The following TSEN2 variants were observed in gnomAD, a reference collection of about 807,000 sequenced individuals.
TSEN2 encodes tRNA-splicing endonuclease subunit Sen2.
Under a neutral mutation model 59.2 loss-of-function variants are expected in TSEN2, and 54 were observed. The observed-to-expected ratio is 0.91, with a 90% CI of 0.73 to 1.14. The LOEUF (loss-of-function observed/expected upper bound fraction) is 1.14. Among genes scored for constraint, TSEN2 ranks in the 50% most tolerant of loss-of-function variants. The probability of loss-of-function intolerance (pLI) is 0.00; values close to 1 mark genes in which losing one functional copy is unlikely to be tolerated. For missense variants in TSEN2, 636 were observed against 576.2 expected (o/e 1.10, Z -1.06); for synonymous variants, 195 against 198.2 (o/e 0.98, Z 0.14).
downstream of TSEN2, among the ~76,000 whole-genome samples, chr3:12,537,617 C>T (rs970261630): frequency 2.6e-5 from 4 of 152,224 alleles, no homozygotes; most frequent in Non-Finnish European, 2.9e-5. Context: ...TACAGTTGGT[C>T]CCTTTCGATT....
At chr3:12,513,438 A>G (rs2055711904) in intron 6 of TSEN2, among the ~76,000 whole-genome samples, 1 of 152,142 alleles carries the variant, frequency 6.6e-6, no homozygotes, top group Non-Finnish European at 1.5e-5. Context: ...AAGGAGGAAA[A>G]CTAAAATTAA....
At chr3:12,527,456 C>CTTTTT (rs757613935) in intron 8 of TSEN2, among the ~76,000 whole-genome samples, 1 of 132,094 alleles carries the variant, frequency 7.6e-6, no homozygotes, top group Non-Finnish European at 1.6e-5. Flanking sequence ...TTTTTTTTTT[C>CTTTTT]TTTTTTTTTT....
chr3:12,528,425 A>G (rs2125237535), intron 8 of TSEN2, among the ~76,000 whole-genome samples: 1 of 152,340 alleles, frequency 6.6e-6, no homozygotes, highest in Middle Eastern at 3.4e-3. Context: ...TGGATTTTAA[A>G]AATAGATGAT....
chr3:12,522,337 C>G (rs2056713430), intron 8 of TSEN2, among the ~76,000 whole-genome samples: 1 of 152,086 alleles, frequency 6.6e-6, no homozygotes, highest in Non-Finnish European at 1.5e-5. Context: ...CCTTTGCCCT[C>G]ACTGGGACAT....
chr3:12,489,557 A>G (rs2052995496), intron 1 of TSEN2, among the ~76,000 whole-genome samples: 1 of 152,180 alleles, frequency 6.6e-6, no homozygotes, highest in Non-Finnish European at 1.5e-5. Flanking sequence ...ATTACCACTC[A>G]TTTCCTGGGG....
chr3:12,528,946 A>C (rs1310160991), intron 9 of TSEN2, 22 bp downstream of exon 9: 1 of 1,613,748 alleles, frequency 6.2e-7, no homozygotes, highest in Non-Finnish European at 8.5e-7. Flanking sequence ...TTTTTAAATA[A>C]ACTAATGGGT....
chr3:12,485,150 G>T (rs1279591464), intron 1 of TSEN2, among the ~76,000 whole-genome samples: 1 of 152,226 alleles, frequency 6.6e-6, no homozygotes, highest in Non-Finnish European at 1.5e-5. Flanking sequence ...AAGCCCAGGA[G>T]GTGCGCAGAT....
chr3:12,491,216 C>G (rs1464197808), intron 2 of TSEN2, among the ~76,000 whole-genome samples: 2 of 151,928 alleles, frequency 1.3e-5, no homozygotes, highest in Non-Finnish European at 2.9e-5. Context: ...GGTCTTGAAC[C>G]CCTGACCTCA....
At chr3:12,527,302 A>G (rs1194822189) in intron 8 of TSEN2, among the ~76,000 whole-genome samples, 1 of 152,206 alleles carries the variant, frequency 6.6e-6, no homozygotes, top group Non-Finnish European at 1.5e-5. Flanking sequence ...GGGGCCCTAT[A>G]TGGTTACTAA....
At chr3:12,512,137 G>A (rs2055538706) in intron 6 of TSEN2, among the ~76,000 whole-genome samples, 1 of 152,204 alleles carries the variant, frequency 6.6e-6, no homozygotes, top group African/African-American at 2.4e-5. Flanking sequence ...TGTCCTGGAA[G>A]ACACTTAGCA....
chr3:12,504,134 A>G (rs1575315228), intron 5 of TSEN2, among the ~76,000 whole-genome samples: 1 of 152,318 alleles, frequency 6.6e-6, no homozygotes, highest in East Asian at 1.9e-4. Flanking sequence ...GAGGCCAGGT[A>G]AGAGCTACGT....
chr3:12,493,535 T>C (rs955145788), intron 3 of TSEN2, among the ~76,000 whole-genome samples: 12 of 152,190 alleles, frequency 7.9e-5, no homozygotes, highest in Non-Finnish European at 1.6e-4. Flanking sequence ...GAGACTAGCC[T>C]GACCAAGATG....
At chr3:12,535,747 GT>G (rs2057660358), downstream of TSEN2, among the ~76,000 whole-genome samples, 1 of 152,112 alleles carries the variant, frequency 6.6e-6, no homozygotes. Context: ...GGCCAGACTG[GT>G]CTCGAACTCC....
chr3:12,533,640 A>G lies in TSEN2; in HGVS notation c.*919A>G, dbSNP rs1385690641. ...GTGCCACTGCAATCCAGCCTGAGCA[A>G]TAGAGCAAGGTCCTGTCTCAAAAAA... On this transcript the variant is annotated 3_prime_UTR_variant, in exon 12 of 12. Coordinates refer to ENST00000284995, the MANE Select transcript of TSEN2 (RefSeq NM_025265.4). 7.0e-6 allele frequency: 1 copy of G among 143,322 alleles called. No homozygotes were observed. Among genetic ancestry groups the G allele is most frequent in the Admixed American group, 7.2e-5 (1 of 13,978 alleles). 8.9% of individuals were successfully genotyped at this position (143,322 alleles called of 1,614,324 possible).
rs973260392 is a variant in TSEN2 at position 12,519,155 on chromosome 3, G to C, written c.1057G>C (p.Gly353Arg). The change falls in exon 8 of 12, where the codon GGC becomes CGC. Residue 353 changes from glycine (G) to arginine (R), a missense_variant. Transcript: ENST00000284995. ...GGCCTACCATTACTTTCGAAGCAAG[G>C]GCTGGGTGCCCAAAGTGGGACTCAA... ...YMAYHYFRSKGWVPKVGLKYG... is the reference protein window; with the variant it reads ...YMAYHYFRSKRWVPKVGLKYG... 63 of 1,614,092 alleles carry C rather than the reference G, an allele frequency of 3.9e-5. No individual in the cohort carries two copies. Among genetic ancestry groups the C allele is most frequent in the Non-Finnish European group, 5.1e-5 (60 of 1,180,052 alleles).
At chr3:12,492,871 T>G (rs772261686) in intron 3 of TSEN2, among the ~76,000 whole-genome samples, 3 of 152,224 alleles carry the variant, frequency 2.0e-5, no homozygotes, top group Non-Finnish European at 4.4e-5. Flanking sequence ...ACCACCCTCA[T>G]GGAGGTGAAT....
At chr3:12,534,803 C>CAAAAA (rs34727253), downstream of TSEN2, among the ~76,000 whole-genome samples, 1 of 69,010 alleles carries the variant, frequency 1.4e-5, no homozygotes, top group Non-Finnish European at 3.1e-5. Flanking sequence ...GACTCTGTCT[C>CAAAAA]AAAAAAAAAA....
At position 12,489,959 on chromosome 3, in the gene TSEN2, T is replaced by C. The variant is rs1210860462; in HGVS notation, c.159T>C (p.Asn53=). 1.2e-6 allele frequency: 2 copies of C among 1,614,226 alleles called. No individual in the cohort carries two copies. Among genetic ancestry groups the C allele is most frequent in the Non-Finnish European group, 1.7e-6 (2 of 1,180,034 alleles). The change falls in exon 2 of 12, where the codon AAT becomes AAC. Residue 53 remains asparagine, a synonymous_variant. Coordinates refer to ENST00000284995, the MANE Select transcript of TSEN2 (RefSeq NM_025265.4). ...TTAACAACAATGTGATTGTGAGGAA[T>C]GCGGAGGACATTGAGCAGCTCTATG... The part of the protein sequence containing the change: ...EMINNNVIVR[N]AEDIEQLYGK...
chr3:12,504,348 G>A (rs1340884742), intron 5 of TSEN2, among the ~76,000 whole-genome samples: 6 of 152,102 alleles, frequency 3.9e-5, no homozygotes, highest in South Asian at 2.1e-4. Context: ...TTGGGAGGAC[G>A]AGGCAGGAGG....
Sources: allele counts gnomAD v4.1 joint callset (sites outside exome capture counted in the v4.1 genomes callset), GRCh38; gene constraint gnomAD v4.1.1; transcripts MANE v1.5; gene names NCBI Gene and HGNC (gene_info 2026-07-23, HGNC 2026-07-21).